Variants in CNTN6 observed in about 807,000 individuals in gnomAD.
CNTN6 encodes contactin 6, also known as contactin-6.
CNTN6 carries 137 observed loss-of-function variants against 122.8 expected under a neutral mutation model. The observed-to-expected ratio is 1.12, with a 90% CI of 0.97 to 1.29. The LOEUF is 1.29. Ranked by LOEUF, CNTN6 falls within the 50% of genes most tolerant of loss-of-function variation. CNTN6 has a pLI of 0.00. For synonymous variants in CNTN6, 570 were observed against 426.0 expected (o/e 1.34, Z -4.16); for missense variants, 1,634 against 1,223.4 (o/e 1.34, Z -5.01).
intron 2 of CNTN6, among the ~76,000 whole-genome samples, chr3:1,189,277 G>A (rs2093668890): frequency 6.6e-6 from 1 of 152,134 alleles, no homozygotes; most frequent in African/African-American, 2.4e-5. Context: ...CTCCTTTTGG[G>A]GGAAAGGGTT....
chr3:1,333,793 T>C (rs532685033), intron 11 of CNTN6, among the ~76,000 whole-genome samples: 2 of 152,222 alleles, frequency 1.3e-5, no homozygotes, highest in Non-Finnish European at 2.9e-5. Flanking sequence ...CTTACATGAA[T>C]TGAAACAGCT....
chr3:1,243,181 G>T (rs1306647264), intron 4 of CNTN6, among the ~76,000 whole-genome samples: 1 of 152,154 alleles, frequency 6.6e-6, no homozygotes, highest in African/African-American at 2.4e-5. Flanking sequence ...CCGATTTTCA[G>T]TGGGTTCCTG....
At chr3:1,385,941 C>T (rs9820933) in intron 20 of CNTN6, 144 bp downstream of exon 20, 115,430 of 670,886 alleles carry the variant, frequency 0.17, 10,898 homozygotes, top group Middle Eastern at 0.24. Flanking sequence ...AATATGGATA[C>T]TTGTTGAAAC....
intron 12 of CNTN6, among the ~76,000 whole-genome samples, chr3:1,367,983 T>C (rs1708480718): frequency 6.6e-6 from 1 of 152,198 alleles, no homozygotes. Flanking sequence ...GAACAGAAAT[T>C]GTTAGTGCTC....
At chr3:1,129,016 G>A (rs1441602453) in intron 1 of CNTN6, among the ~76,000 whole-genome samples, 1 of 151,820 alleles carries the variant, frequency 6.6e-6, no homozygotes, top group Admixed American at 6.6e-5. Context: ...TAGTGTTTAT[G>A]TAAATACATA....
At position 1,337,900 on chromosome 3, in the gene CNTN6, T is replaced by A. The variant is rs142094654; in HGVS notation, c.1364+7965T>A. On this transcript the variant is annotated intron_variant, in intron 11 of 22. Transcript: ENST00000446702. ...TCATTTTCCCCTCTTGCCATCCAAT[T>A]CCCCTTTCTTTATCCCCACTGACCT... Among the ~76,000 whole-genome samples the A allele has an allele frequency of 1.9e-3, 283 of 152,178 alleles. 2 individuals carry two copies. Among genetic ancestry groups the A allele is most frequent in the South Asian group, 0.017 (80 of 4,810 alleles).
chr3:1,096,872 G>A (rs967773876), intron 1 of CNTN6, among the ~76,000 whole-genome samples: 4 of 152,112 alleles, frequency 2.6e-5, no homozygotes, highest in African/African-American at 9.7e-5. Flanking sequence ...TGAAGACGGA[G>A]GGTTTTTGCT....
At position 1,201,307 on chromosome 3, in the gene CNTN6, T is replaced by C. The variant is rs113739375; in HGVS notation, c.56-19380T>C. ...TTTCTAAAAGAATCCATTTGCTCTT[T>C]TTTTCCCTATGATTGGGTTAGCATC... On this transcript the variant is annotated intron_variant, in intron 2 of 22. Transcript: ENST00000446702. Among the ~76,000 whole-genome samples, 138 of 152,264 alleles carry C rather than the reference T, an allele frequency of 9.1e-4. 3 individuals carry two copies. The highest frequency in any genetic ancestry group is 3.2e-3 in the African/African-American group (133 of 41,550).
intron 4 of CNTN6, among the ~76,000 whole-genome samples, chr3:1,258,455 C>T (rs535151291): frequency 5.3e-5 from 8 of 152,192 alleles, no homozygotes; most frequent in African/African-American, 1.7e-4. Context: ...ATTTATTTCC[C>T]TTTCACTGTT....
rs1485811427 is a variant in CNTN6 at position 1,327,180 on chromosome 3, G to GTATTCCAAATTACTATA, written c.1084-274_1084-273insTCCAAATTACTATATAT. ...ACGGTGGAGTATTCCAAATTACTAT[G>GTATTCCAAATTACTATA]TATACCAAATAACAGAAAGTTAACA... On this transcript the variant is annotated intron_variant, in intron 9 of 22. Transcript: ENST00000446702. Among the ~76,000 whole-genome samples the GTATTCCAAATTACTATA allele has an allele frequency of 7.9e-5, 12 of 151,954 alleles. No individual in the cohort carries two copies. The East Asian group carries it at 2.3e-3, about 30-fold the overall frequency.
chr3:1,132,594 T>C (rs2092365348), intron 1 of CNTN6, among the ~76,000 whole-genome samples: 1 of 151,680 alleles, frequency 6.6e-6, no homozygotes, highest in South Asian at 2.1e-4. Flanking sequence ...GGGTTCAAGG[T>C]TGCAGTGAGC....
chr3:1,096,457 A>T (rs544533660), intron 1 of CNTN6, among the ~76,000 whole-genome samples: 3 of 152,214 alleles, frequency 2.0e-5, no homozygotes, highest in South Asian at 4.1e-4. Context: ...TTTCTTCAGG[A>T]TCACCAATTT....
intron 7 of CNTN6, among the ~76,000 whole-genome samples, chr3:1,305,309 A>G (rs1200655813): frequency 6.6e-6 from 1 of 152,204 alleles, no homozygotes; most frequent in Non-Finnish European, 1.5e-5. Flanking sequence ...TGAGTATAGA[A>G]TAATTAAGAC....
At chr3:1,116,119 C>T (rs1352804392) in intron 1 of CNTN6, among the ~76,000 whole-genome samples, 1 of 152,066 alleles carries the variant, frequency 6.6e-6, no homozygotes, top group African/African-American at 2.4e-5. Context: ...AATCTGAAGA[C>T]ATGCTCCAAA....
chr3:1,298,502 G>A (rs1017545122), intron 7 of CNTN6: 5 of 152,244 alleles, frequency 3.3e-5, no homozygotes, highest in African/African-American at 9.7e-5. Context: ...CCTGATAGTG[G>A]AGGCATTTTG....
At chr3:1,393,710 C>T (rs1211983324) in intron 20 of CNTN6, among the ~76,000 whole-genome samples, 1 of 150,848 alleles carries the variant, frequency 6.6e-6, no homozygotes, top group Admixed American at 6.6e-5. Context: ...AGTTATTGAG[C>T]CAAGACTCAG....
chr3:1,162,387 A>G (rs1221232472), intron 2 of CNTN6, among the ~76,000 whole-genome samples: 1 of 150,288 alleles, frequency 6.7e-6, no homozygotes, highest in African/African-American at 2.5e-5. Context: ...GGGGTTGTAC[A>G]GCTCAGAAGG....
chr3:1,213,007 G>T (rs1461758189), intron 2 of CNTN6, among the ~76,000 whole-genome samples: 1 of 152,124 alleles, frequency 6.6e-6, no homozygotes, highest in Admixed American at 6.5e-5. Flanking sequence ...CTTTCAAAAT[G>T]ACCTAAAGTT....
chr3:1,111,849 G>A (rs1418204955), intron 1 of CNTN6, among the ~76,000 whole-genome samples: 2 of 152,172 alleles, frequency 1.3e-5, no homozygotes, highest in South Asian at 2.1e-4. Flanking sequence ...CGTGCCCAGT[G>A]GTAGTATGCT....
Sources: gnomAD v4.1 joint callset for allele counts (sites outside exome capture counted in the v4.1 genomes callset) on GRCh38, gnomAD v4.1.1 for gene constraint, MANE v1.5 for transcripts, NCBI Gene and HGNC (gene_info 2026-07-23, HGNC 2026-07-21) for gene names.